DDI2: variants seen among roughly 807,000 people sequenced by gnomAD.
DDI2 encodes DDI proteasomal shuttling factor 2.
Under a neutral mutation model 48.1 loss-of-function variants are expected in DDI2, and 5 were observed. That is an observed-to-expected ratio of 0.10 (90% CI 0.05 to 0.22). DDI2 has a LOEUF of 0.22. Ranked by LOEUF, DDI2 falls within the 10% of genes least tolerant of loss-of-function variation. The pLI, the probability that DDI2 is intolerant of heterozygous loss-of-function variation, is 1.00. For synonymous variants in DDI2, 205 were observed against 183.6 expected (o/e 1.12, Z -0.94); for missense variants, 285 against 506.2 (o/e 0.56, Z 4.19).
chr1:15,621,490 T>G (rs1215839035), intron 1 of DDI2, among the ~76,000 whole-genome samples: 1 of 152,024 alleles, frequency 6.6e-6, no homozygotes, highest in Admixed American at 6.6e-5. Flanking sequence ...GCTCAAGTGA[T>G]CCTTCCACCT....
At chr1:15,620,210 G>C (rs1439628893) in intron 1 of DDI2, among the ~76,000 whole-genome samples, 1 of 152,062 alleles carries the variant, frequency 6.6e-6, no homozygotes, top group Non-Finnish European at 1.5e-5. Flanking sequence ...AACAGCTCCT[G>C]TTTTTCCAGT....
rs1477786155 is a variant in DDI2 at position 15,665,174 on chromosome 1, A to ACC, written c.*5384_*5385insCC. ...CTACTCGGGAGGCTGAGGCAGGAGA[A>ACC]TCACTTAAACCTGGGAGGCGGAGGT... On this transcript the variant is annotated 3_prime_UTR_variant, in exon 10 of 10. Transcript: ENST00000480945. The ACC allele has an allele frequency of 4.6e-5, 7 of 151,518 alleles. No individual in the cohort carries two copies. The highest frequency in any genetic ancestry group is 1.0e-4 in the Non-Finnish European group (7 of 68,254). The allele number at this position is 151,518 out of a possible 1,614,324, so 9.4% of individuals were successfully genotyped here. A position where few individuals can be genotyped will look rare whatever the true frequency, so the allele number is the denominator to read the frequency against.
chr1:15,633,190 A>C (rs1349468574), intron 3 of DDI2, among the ~76,000 whole-genome samples: 1 of 152,030 alleles, frequency 6.6e-6, no homozygotes, highest in African/African-American at 2.4e-5. Flanking sequence ...CAGCCTCCCA[A>C]AGTGTCGAGA....
At chr1:15,624,796 C>CA (rs1156783637) in intron 1 of DDI2, among the ~76,000 whole-genome samples, 4 of 151,880 alleles carry the variant, frequency 2.6e-5, no homozygotes, top group African/African-American at 7.3e-5. Context: ...GATTTTTTCA[C>CA]AAAAGAAAAT....
chr1:15,628,729 A>G (rs145364536), intron 2 of DDI2, among the ~76,000 whole-genome samples: 19 of 130,158 alleles, frequency 1.5e-4, no homozygotes, highest in African/African-American at 5.3e-4. Flanking sequence ...TTTTATTGAG[A>G]TAGAATTCAT....
intron 2 of DDI2, among the ~76,000 whole-genome samples, chr1:15,629,859 G>A (rs1370349252): frequency 4.0e-5 from 6 of 151,446 alleles, no homozygotes; most frequent in East Asian, 2.0e-4. Context: ...AGCCTCCTGC[G>A]TAGCTGGGAT....
At chr1:15,646,783 T>C (rs889839992) in intron 6 of DDI2, among the ~76,000 whole-genome samples, 1 of 152,212 alleles carries the variant, frequency 6.6e-6, no homozygotes, top group African/African-American at 2.4e-5. Context: ...TGTTCAGTCA[T>C]TCATCTCTAA....
At chr1:15,633,362 A>G in intron 3 of DDI2, 77 bp from the exon 4 acceptor site, 1 of 1,530,076 alleles carries the variant, frequency 6.5e-7, no homozygotes, top group Non-Finnish European at 8.9e-7. Flanking sequence ...AGTTTGATAA[A>G]TTGTTTGGTG....
rs956065239 is a variant in DDI2 at position 15,665,526 on chromosome 1, C to G, written c.*5736C>G. 1 of 152,124 alleles carries G rather than the reference C, an allele frequency of 6.6e-6. No homozygotes were observed. The highest frequency in any genetic ancestry group is 1.5e-5 in the Non-Finnish European group (1 of 68,030). The allele number at this position is 152,124 out of a possible 1,614,324, so 9.4% of individuals were successfully genotyped here. A position where few individuals can be genotyped will look rare whatever the true frequency, so the allele number is the denominator to read the frequency against. ...GTGGAATCTGCTGGTTGTCTTACTA[C>G]AGCTTTCTATCTCCGGTGAAAGCCA... On this transcript the variant is annotated 3_prime_UTR_variant, in exon 10 of 10. Coordinates refer to ENST00000480945, the MANE Select transcript of DDI2 (RefSeq NM_032341.5).
Position 15,617,682 on chromosome 1 carries a change from C to A in DDI2, c.12C>A (p.Thr4=), listed in dbSNP as rs1194959288. ...GTCGGGCCCGGGCCATGCTGCTCAC[C>A]GTGTACTGTGTGCGGAGGGACCTCT... MLL[T]VYCVRRDLSE... Residue 4 remains threonine, a synonymous_variant, in exon 1 of 10, where the codon ACC becomes ACA. Transcript: ENST00000480945. 1 of 1,599,018 alleles carries A rather than the reference C, an allele frequency of 6.3e-7. No individual in the cohort carries two copies. The highest frequency in any genetic ancestry group is 8.5e-7 in the Non-Finnish European group (1 of 1,172,878).
intron 9 of DDI2, 144 bp from the exon 10 acceptor site, chr1:15,659,693 A>T: frequency 1.3e-6 from 1 of 754,760 alleles, no homozygotes; most frequent in Non-Finnish European, 1.9e-6. Flanking sequence ...AAGTAATTTT[A>T]AAATCATTTC....
chr1:15,652,190 T>G (rs1454077466), intron 8 of DDI2, among the ~76,000 whole-genome samples: 1 of 148,584 alleles, frequency 6.7e-6, no homozygotes, highest in East Asian at 2.1e-4. Flanking sequence ...TCCTCTCACC[T>G]CAGCCTCCTG....
In DDI2 at chr1:15,661,160, G is replaced by T. The variant is rs149782354; in HGVS notation, c.*1370G>T. The T allele has an allele frequency of 1.8e-4, 291 of 1,613,930 alleles. No individual in the cohort carries two copies. Among genetic ancestry groups the T allele is most frequent in the Non-Finnish European group, 2.2e-4 (262 of 1,180,008 alleles). ...TCAGTGGAGACAGAAAAATTAACAG[G>T]TACTTCATCTGACACTGGAAGAGAA... On this transcript the variant is annotated 3_prime_UTR_variant, in exon 10 of 10. Transcript: ENST00000480945.
At chr1:15,648,827 CCT>C (rs2103476224) in intron 6 of DDI2, among the ~76,000 whole-genome samples, 1 of 116,564 alleles carries the variant, frequency 8.6e-6, no homozygotes, top group East Asian at 2.2e-4. Context: ...CGTAGCAGAC[CCT>C]GTCTCAAAAA....
chr1:15,617,630 A>AGGCCG lies in DDI2; in HGVS notation c.-35_-31dup, dbSNP rs765859109. Reference sequence around the variant, plus strand: ...GCCTCTTCCCCTGCGCCCCGCGCCCAGGCCGGGCCGAGCCGAGCCGAGCCG... The same window carrying AGGCCG: ...GCCTCTTCCCCTGCGCCCCGCGCCCAGGCCGGGCCGGGCCGAGCCGAGCCGAGCCG... On this transcript the variant is annotated 5_prime_UTR_variant, in exon 1 of 10. Coordinates refer to ENST00000480945, the MANE Select transcript of DDI2 (RefSeq NM_032341.5). 1.5e-6 allele frequency: 2 copies of AGGCCG among 1,322,606 alleles called. No individual in the cohort carries two copies. Among genetic ancestry groups the AGGCCG allele is most frequent in the East Asian group, 3.1e-5 (1 of 32,572 alleles). 81.9% of individuals were successfully genotyped at this position (1,322,606 alleles called of 1,614,324 possible). A position where few individuals can be genotyped will look rare whatever the true frequency, so the allele number is the denominator to read the frequency against.
chr1:15,641,097 T>C (rs187525049), intron 5 of DDI2, among the ~76,000 whole-genome samples: 86 of 152,180 alleles, frequency 5.7e-4, no homozygotes, highest in Admixed American at 1.2e-3. Context: ...GAAGCTGTGG[T>C]GATGGTGGTT....
chr1:15,634,539 C>CTTTTTTTTTTTTTTT (rs370728497), intron 4 of DDI2, among the ~76,000 whole-genome samples: 32,096 of 97,706 alleles, frequency 0.33, 8,043 homozygotes, highest in East Asian at 0.75. Context: ...TTCTTTTTAT[C>CTTTTTTTTTTTTTTT]TTTTTTTTTT....
Position 15,622,504 on chromosome 1 carries a change from A to C in DDI2, c.139-4165A>C, listed in dbSNP as rs931465702. 3.3e-5 allele frequency among the ~76,000 whole-genome samples: 5 copies of C among 152,164 alleles called. No homozygotes were observed. In the South Asian group the frequency reaches 6.2e-4, roughly 19 times the overall value. On this transcript the variant is annotated intron_variant, in intron 1 of 9. Coordinates refer to ENST00000480945, the MANE Select transcript of DDI2 (RefSeq NM_032341.5). ...TCAGTCTCTGGGGTGCCTCCTCTGGAGTAAGTACCAGCAGTTGTGCCAGTT... is the reference window on the plus strand; with the variant it reads ...TCAGTCTCTGGGGTGCCTCCTCTGGCGTAAGTACCAGCAGTTGTGCCAGTT...
intron 5 of DDI2, among the ~76,000 whole-genome samples, chr1:15,638,691 C>G (rs1164575919): frequency 2.0e-5 from 3 of 151,976 alleles, no homozygotes; most frequent in African/African-American, 7.3e-5. Context: ...CCAACCACCA[C>G]GCCCAGCTGA....
Sources: gnomAD v4.1 joint callset for allele counts (sites outside exome capture counted in the v4.1 genomes callset) on GRCh38, gnomAD v4.1.1 for gene constraint, MANE v1.5 for transcripts, NCBI Gene and HGNC (gene_info 2026-07-23, HGNC 2026-07-21) for gene names.